Variants in ZNF804B observed in about 807,000 individuals in gnomAD.
The protein encoded by ZNF804B is zinc finger 804B.
A neutral mutation model predicts 101.4 loss-of-function variants in ZNF804B; 80 were observed. That is an observed-to-expected ratio of 0.79 (90% CI 0.66 to 0.95). The LOEUF (loss-of-function observed/expected upper bound fraction) is 0.95, where lower values mean the gene tolerates loss of function less well. ZNF804B is among the 40% of genes least tolerant of loss of function. The pLI is 0.00. For synonymous variants in ZNF804B, 622 were observed against 558.8 expected (o/e 1.11, Z -1.59); for missense variants, 1,673 against 1,561.9 (o/e 1.07, Z -1.20).
intron 1 of ZNF804B, among the ~76,000 whole-genome samples, chr7:88,956,542 TAAATA>T (rs1313791432): frequency 6.6e-6 from 1 of 151,304 alleles, no homozygotes; most frequent in Non-Finnish European, 1.5e-5. Context: ...TATTTAAAAA[TAAATA>T]AAATTATAAT....
intron 1 of ZNF804B, among the ~76,000 whole-genome samples, chr7:89,204,143 G>A (rs1277290414): frequency 6.6e-6 from 1 of 152,138 alleles, no homozygotes; most frequent in Non-Finnish European, 1.5e-5. Flanking sequence ...AAACTTAGTT[G>A]TCCAACGTTT....
At chr7:88,767,021 A>C (rs1329185225) in intron 1 of ZNF804B, among the ~76,000 whole-genome samples, 1 of 152,094 alleles carries the variant, frequency 6.6e-6, no homozygotes, top group African/African-American at 2.4e-5. Flanking sequence ...TTCTTTTCTT[A>C]AACAATCTTC....
chr7:89,007,446 T>TATATATA lies in ZNF804B; in HGVS notation c.109-210709_109-210708insATATATA, dbSNP rs1788382638. On this transcript the variant is annotated intron_variant, in intron 1 of 3. Transcript: ENST00000333190. ...ATGTTATCTAAAGTTATCCATGATT[T>TATATATA]TATATATATATATATATATATATAT... is the stretch of plus-strand genomic sequence containing the variant. 7.9e-3 allele frequency among the ~76,000 whole-genome samples: 452 copies of TATATATA among 57,184 alleles called. 19 individuals are homozygous for TATATATA. The highest frequency in any genetic ancestry group is 0.011 in the African/African-American group (177 of 15,584). The allele number at this position is 57,184 out of a possible 152,430, so 37.5% of individuals were successfully genotyped here. A position where few individuals can be genotyped will look rare whatever the true frequency, so the allele number is the denominator to read the frequency against.
At chr7:88,965,596 A>G (rs1238243635) in intron 1 of ZNF804B, among the ~76,000 whole-genome samples, 3 of 151,548 alleles carry the variant, frequency 2.0e-5, no homozygotes, top group Admixed American at 6.6e-5. Flanking sequence ...CAGATGGCCC[A>G]TCTGTTTCTG....
chr7:89,220,827 A>G (rs986468036), intron 2 of ZNF804B, among the ~76,000 whole-genome samples: 1 of 151,944 alleles, frequency 6.6e-6, no homozygotes, highest in Non-Finnish European at 1.5e-5. Flanking sequence ...ATTTTAATCT[A>G]TAGGTTTTTC....
chr7:89,176,587 C>CTTTTTTTTT (rs142696289), intron 1 of ZNF804B, among the ~76,000 whole-genome samples: 51 of 53,976 alleles, frequency 9.4e-4, no homozygotes, highest in African/African-American at 2.1e-3. Flanking sequence ...TTCTTTCTTT[C>CTTTTTTTTT]TTTCTTTTTT....
chr7:89,000,591 T>C (rs1788269296), intron 1 of ZNF804B, among the ~76,000 whole-genome samples: 1 of 151,926 alleles, frequency 6.6e-6, no homozygotes, highest in South Asian at 2.1e-4. Context: ...CCTGAACATA[T>C]TTATCTTCCA....
chr7:89,069,536 T>G (rs558669214), intron 1 of ZNF804B, among the ~76,000 whole-genome samples: 2 of 152,308 alleles, frequency 1.3e-5, no homozygotes, highest in African/African-American at 4.8e-5. Context: ...TGTAATTATA[T>G]CACATAAAAA....
intron 1 of ZNF804B, among the ~76,000 whole-genome samples, chr7:89,111,662 T>A (rs1790220584): frequency 6.6e-6 from 1 of 152,218 alleles, no homozygotes; most frequent in South Asian, 2.1e-4. Flanking sequence ...AGTCTGTAGC[T>A]TATCTTTCCT....
chr7:88,899,918 G>T (rs900984607), intron 1 of ZNF804B, among the ~76,000 whole-genome samples: 1 of 152,056 alleles, frequency 6.6e-6, no homozygotes, highest in East Asian at 1.9e-4. Flanking sequence ...TTAACATATG[G>T]ATTTCATATG....
At chr7:88,947,644 A>G (rs1329026548) in intron 1 of ZNF804B, among the ~76,000 whole-genome samples, 2 of 151,964 alleles carry the variant, frequency 1.3e-5, no homozygotes, top group Non-Finnish European at 2.9e-5. Context: ...TGTTCTGTAT[A>G]TGTATCACAG....
At chr7:88,815,031 C>CAT (rs1422522522) in intron 1 of ZNF804B, among the ~76,000 whole-genome samples, 16 of 148,714 alleles carry the variant, frequency 1.1e-4, no homozygotes, top group Non-Finnish European at 2.1e-4. Flanking sequence ...CTTATATATA[C>CAT]ATATATGTGT....
chr7:89,258,883 A>C (rs1033036643), intron 2 of ZNF804B, among the ~76,000 whole-genome samples: 3 of 152,186 alleles, frequency 2.0e-5, no homozygotes, highest in African/African-American at 7.2e-5. Flanking sequence ...GCTGAGAAGG[A>C]AATAGGATGA....
chr7:89,255,672 G>A (rs1439486201), intron 2 of ZNF804B, among the ~76,000 whole-genome samples: 2 of 152,096 alleles, frequency 1.3e-5, no homozygotes, highest in Non-Finnish European at 2.9e-5. Context: ...TAATTGTAGT[G>A]GAGGAAATAA....
chr7:89,327,223 T>C (rs1293514650), intron 2 of ZNF804B, 121 bp from the exon 3 acceptor site: 1 of 865,524 alleles, frequency 1.2e-6, no homozygotes, highest in Non-Finnish European at 1.6e-6. Context: ...AAGATACTTT[T>C]ACTCTTTCTG....
intron 1 of ZNF804B, among the ~76,000 whole-genome samples, chr7:88,931,368 G>C (rs1161197692): frequency 6.6e-6 from 1 of 151,848 alleles, no homozygotes; most frequent in African/African-American, 2.4e-5. Context: ...TGGGATTGCT[G>C]TTATTGTTCT....
chr7:89,083,808 G>A (rs1375574620), intron 1 of ZNF804B, among the ~76,000 whole-genome samples: 1 of 151,630 alleles, frequency 6.6e-6, no homozygotes, highest in Non-Finnish European at 1.5e-5. Context: ...TCTTCTATTT[G>A]TCTTTGTGTT....
rs141485377 is a variant in ZNF804B at position 89,271,855 on chromosome 7, G to A, written c.249+53560G>A. Among the ~76,000 whole-genome samples, 1,431 of 152,046 alleles carry A rather than the reference G, an allele frequency of 9.4e-3. 20 individuals are homozygous for A. The highest frequency in any genetic ancestry group is 0.014 in the Non-Finnish European group (928 of 67,942). ...CTTCTAGATTTTCTAGTTTATTTGCGTAGAGGTGTTTTTAGTATTCTCTAA... is the reference window on the plus strand; with the variant it reads ...CTTCTAGATTTTCTAGTTTATTTGCATAGAGGTGTTTTTAGTATTCTCTAA... On this transcript the variant is annotated intron_variant, in intron 2 of 3. Coordinates refer to ENST00000333190, the MANE Select transcript of ZNF804B (RefSeq NM_181646.5).
At chr7:89,302,986 T>C (rs561862816) in intron 2 of ZNF804B, among the ~76,000 whole-genome samples, 2 of 152,060 alleles carry the variant, frequency 1.3e-5, no homozygotes, top group South Asian at 4.1e-4. Flanking sequence ...AAAACGTTGG[T>C]AGTGTTTTAT....
Sources: gnomAD v4.1 joint callset for allele counts (sites outside exome capture counted in the v4.1 genomes callset) on GRCh38, gnomAD v4.1.1 for gene constraint, MANE v1.5 for transcripts, NCBI Gene and HGNC (gene_info 2026-07-23, HGNC 2026-07-21) for gene names.